Variants in SEC24B observed in about 807,000 individuals in gnomAD.
SEC24B encodes the protein protein transport protein Sec24B.
Under a neutral mutation model 142.8 loss-of-function variants are expected in SEC24B, and 45 were observed. The observed-to-expected ratio is 0.32, with a 90% CI of 0.25 to 0.40. The LOEUF (loss-of-function observed/expected upper bound fraction) is 0.40, where lower values mean the gene tolerates loss of function less well. Ranked by LOEUF, SEC24B falls within the 10% of genes least tolerant of loss-of-function variation. The pLI is 1.00. For missense variants in SEC24B, 1,409 were observed against 1,526.8 expected, an observed-to-expected ratio of 0.92 and a Z score of 1.29; for synonymous variants, 574 against 568.2, an observed-to-expected ratio of 1.01 and a Z score of -0.15.
At chr4:109,480,619 T>C (rs1398839747) in intron 3 of SEC24B, among the ~76,000 whole-genome samples, 1 of 152,172 alleles carries the variant, frequency 6.6e-6, no homozygotes, top group African/African-American at 2.4e-5. Flanking sequence ...TAGCTGGGAC[T>C]ACAGGCGTGC....
intron 20 of SEC24B, 103 bp downstream of exon 20, chr4:109,531,625 ACT>A: frequency 1.2e-6 from 1 of 826,450 alleles, no homozygotes; most frequent in Admixed American, 2.4e-5. Context: ...TTTCTTTTTA[ACT>A]CTTTTTCCCC....
intron 1 of SEC24B, among the ~76,000 whole-genome samples, chr4:109,451,591 A>G (rs1216212053): frequency 2.0e-5 from 3 of 152,076 alleles, no homozygotes; most frequent in Non-Finnish European, 2.9e-5. Flanking sequence ...ACTTTCTGAC[A>G]CTACAAGTTA....
intron 21 of SEC24B, 104 bp from the exon 22 acceptor site, chr4:109,533,489 C>T: frequency 2.6e-6 from 2 of 759,450 alleles, no homozygotes; most frequent in Non-Finnish European, 4.6e-6. Flanking sequence ...CCTTTTTACT[C>T]TTCTGTTTGT....
At chr4:109,509,748 T>G (rs370702697) in intron 7 of SEC24B, among the ~76,000 whole-genome samples, 1 of 152,002 alleles carries the variant, frequency 6.6e-6, no homozygotes, top group African/African-American at 2.4e-5. Flanking sequence ...ATTCATCTCC[T>G]TCAGGCTAGT....
chr4:109,481,677 G>T lies in SEC24B; in HGVS notation c.1061G>T (p.Gly354Val). The T allele has an allele frequency of 6.2e-7, 1 of 1,605,908 alleles. No individual in the cohort carries two copies. The highest frequency in any genetic ancestry group is 8.5e-7 in the Non-Finnish European group (1 of 1,174,730). ...TQPSELLQQK[G>V]VQYGEYVNNQ... is the part of the protein sequence containing the mutation. ...TATGTTTGTGCTTTCCACTTTACAG[G>T]CGTGCAGTATGGTGAATATGTTAAT... The change falls in exon 4 of 24, where the codon GGC becomes GTC. Residue 354 changes from glycine to valine, a missense_variant and splice_region_variant. This residue lies in a region of SEC24B where 709 missense variants were observed against 673.5 expected (regional missense o/e 1.05). Transcript: ENST00000265175.
intron 21 of SEC24B, 45 bp from the exon 22 acceptor site, chr4:109,533,548 T>C (rs1434132234): frequency 1.7e-6 from 2 of 1,154,548 alleles, no homozygotes; most frequent in East Asian, 4.7e-5. Context: ...TGAAAATGAA[T>C]TAACTATTAG....
chr4:109,528,627 C>T (rs1454716783), intron 18 of SEC24B, among the ~76,000 whole-genome samples: 2 of 152,048 alleles, frequency 1.3e-5, no homozygotes, highest in Non-Finnish European at 2.9e-5. Flanking sequence ...CATGGCTATG[C>T]ATTTGACACA....
chr4:109,491,518 A>G, intron 5 of SEC24B, 111 bp downstream of exon 5: 1 of 754,122 alleles, frequency 1.3e-6, no homozygotes, highest in Non-Finnish European at 2.2e-6. Flanking sequence ...TTTAACAAGA[A>G]AAAAAGGACA....
intron 2 of SEC24B, 95 bp downstream of exon 2, chr4:109,463,739 T>C: frequency 1.3e-6 from 2 of 1,495,046 alleles, no homozygotes; most frequent in South Asian, 1.4e-5. Flanking sequence ...TGATATTGCC[T>C]AATAGAAAAA....
intron 6 of SEC24B, 42 bp from the exon 7 acceptor site, chr4:109,506,286 T>C: frequency 2.2e-6 from 3 of 1,387,682 alleles, no homozygotes; most frequent in South Asian, 1.8e-5. Flanking sequence ...AATTTATTTA[T>C]GTTTTATTGT....
intron 3 of SEC24B, among the ~76,000 whole-genome samples, chr4:109,476,266 C>T (rs949126021): frequency 6.6e-6 from 1 of 152,142 alleles, no homozygotes; most frequent in Non-Finnish European, 1.5e-5. Context: ...GGATTACAGG[C>T]GTGACCATTG....
intron 1 of SEC24B, among the ~76,000 whole-genome samples, chr4:109,457,363 A>G (rs961658546): frequency 6.6e-5 from 10 of 152,238 alleles, no homozygotes; most frequent in Non-Finnish European, 1.3e-4. Context: ...TGTCTAGTTT[A>G]TAATGAACAG....
At chr4:109,462,176 C>T (rs1270338708) in intron 1 of SEC24B, among the ~76,000 whole-genome samples, 3 of 152,078 alleles carry the variant, frequency 2.0e-5, no homozygotes, top group Non-Finnish European at 4.4e-5. Context: ...ATAGCCATCA[C>T]ACTCTATAGA....
In SEC24B at chr4:109,527,381, G is replaced by A. The variant is rs201096847; in HGVS notation, c.3025G>A (p.Val1009Ile). ...GCCAGTGGTAAGTTCACTAGCAGATGTATATGCGGGAGTGGATGTACAAGC... is the reference window on the plus strand; with the variant it reads ...GCCAGTGGTAAGTTCACTAGCAGATATATATGCGGGAGTGGATGTACAAGC... ...CLPVVSSLAD[V>I]YAGVDVQAAI... is the part of the protein sequence containing the mutation. Residue 1009 changes from valine to isoleucine, a missense_variant, in exon 18 of 24, where the codon GTA (valine) becomes ATA (isoleucine). This residue lies in a region of SEC24B where 700 missense variants were observed against 853.3 expected (regional missense o/e 0.82). Transcript: ENST00000265175. 49 of 1,613,818 alleles carry A rather than the reference G, an allele frequency of 3.0e-5. No homozygotes were observed. The Admixed American group carries it at 7.3e-4, about 24-fold the overall frequency.
intron 4 of SEC24B, among the ~76,000 whole-genome samples, chr4:109,487,356 GA>G (rs1380811704): frequency 6.6e-6 from 1 of 151,896 alleles, no homozygotes; most frequent in African/African-American, 2.4e-5. Context: ...ATAAACAGAA[GA>G]AAAAAATGTA....
chr4:109,441,863 C>T (rs967695901), intron 1 of SEC24B, among the ~76,000 whole-genome samples: 1 of 152,156 alleles, frequency 6.6e-6, no homozygotes, highest in African/African-American at 2.4e-5. Context: ...TGTCCGCCAG[C>T]GGTGACTGGA....
At chr4:109,453,069 C>A (rs182193229) in intron 1 of SEC24B, among the ~76,000 whole-genome samples, 1 of 152,008 alleles carries the variant, frequency 6.6e-6, no homozygotes, top group Non-Finnish European at 1.5e-5. Context: ...TCTGTGATGC[C>A]CCCTGAACCC....
In SEC24B at chr4:109,538,001, C is replaced by T. The variant is rs1010327543; in HGVS notation, c.3589-492C>T. ...TTTAGGTCCTTTTAAAATAGTCTCG[C>T]GTATAGTTTTAAAATATATTTACAT... On this transcript the variant is annotated intron_variant, in intron 22 of 23. Transcript: ENST00000265175. Among the ~76,000 whole-genome samples, 14 of 151,928 alleles carry T rather than the reference C, an allele frequency of 9.2e-5. 1 individual carries two copies. The highest frequency in any genetic ancestry group is 3.9e-4 in the Admixed American group (6 of 15,238).
chr4:109,495,299 C>T (rs1298075454), intron 6 of SEC24B, among the ~76,000 whole-genome samples: 2 of 152,168 alleles, frequency 1.3e-5, no homozygotes, highest in East Asian at 1.9e-4. Flanking sequence ...CATAACTCAC[C>T]TTGATGAGAG....
Sources: gnomAD v4.1 joint callset for allele counts (sites outside exome capture counted in the v4.1 genomes callset) on GRCh38, gnomAD v4.1.1 for gene constraint, gnomAD v4.1.1 regional missense constraint, MANE v1.5 for transcripts, NCBI Gene and HGNC (gene_info 2026-07-23, HGNC 2026-07-21) for gene names.